The following ROBO2 variants were observed in gnomAD, a reference collection of about 807,000 sequenced individuals.
ROBO2 encodes roundabout homolog 2.
Under a neutral mutation model 160.8 loss-of-function variants are expected in ROBO2, and 53 were observed. The ratio of observed to expected loss-of-function variants is 0.33; its 90% CI spans 0.26 to 0.41. ROBO2 has a LOEUF of 0.41. Among genes scored for constraint, ROBO2 ranks in the 10% least tolerant of loss-of-function variants. ROBO2 has a pLI of 1.00. For missense variants in ROBO2, 1,577 were observed against 1,722.4 expected (o/e 0.92, Z 1.49); for synonymous variants, 664 against 611.7 (o/e 1.09, Z -1.26).
chr3:76,441,191 T>C (rs2109118068), intron 2 of ROBO2, among the ~76,000 whole-genome samples: 1 of 152,290 alleles, frequency 6.6e-6, no homozygotes, highest in Non-Finnish European at 1.5e-5. Flanking sequence ...TTGGCTGTTT[T>C]ATATAATATT....
At chr3:77,030,500 A>G (rs1276581057) in intron 2 of ROBO2, among the ~76,000 whole-genome samples, 2 of 152,182 alleles carry the variant, frequency 1.3e-5, no homozygotes, top group Admixed American at 6.5e-5. Context: ...AGCTATATTC[A>G]TTTCCTAGGA....
rs141518015 is a variant in ROBO2, at chr3:76,281,778, C to T, written c.109+344176C>T. On this transcript the variant is annotated intron_variant, in intron 2 of 26. Transcript: ENST00000487694. Reference sequence around the variant, plus strand: ...ATTTTAGAGAGTCACTTTATCTTAGCACCAAACATTGTTCACATACAATAA... The same window carrying T: ...ATTTTAGAGAGTCACTTTATCTTAGTACCAAACATTGTTCACATACAATAA... Among the ~76,000 whole-genome samples, 22 of 152,080 alleles carry T rather than the reference C, an allele frequency of 1.4e-4. No individual in the cohort carries two copies. In the East Asian group the frequency reaches 3.1e-3, roughly 21 times the overall value.
chr3:76,070,084 A>G (rs2068395572), intron 2 of ROBO2, among the ~76,000 whole-genome samples: 1 of 152,198 alleles, frequency 6.6e-6, no homozygotes, highest in Admixed American at 6.5e-5. Flanking sequence ...CATTAACTGC[A>G]CAAATTATAG....
intron 2 of ROBO2, among the ~76,000 whole-genome samples, chr3:76,560,081 T>C (rs1284559235): frequency 6.6e-6 from 1 of 152,042 alleles, no homozygotes; most frequent in East Asian, 1.9e-4. Flanking sequence ...ATTAATTTGC[T>C]TCTCTTTTAT....
chr3:76,192,524 C>CCACACACACACACACACA (rs3039244), intron 2 of ROBO2, among the ~76,000 whole-genome samples: 4 of 130,154 alleles, frequency 3.1e-5, no homozygotes, highest in Admixed American at 1.6e-4. Flanking sequence ...CAACACTCCA[C>CCACACACACACACACACA]CACACACACA....
chr3:76,477,177 C>T (rs866067334), intron 2 of ROBO2, among the ~76,000 whole-genome samples: 53 of 152,150 alleles, frequency 3.5e-4, no homozygotes, highest in African/African-American at 1.2e-3. Flanking sequence ...GTGAATTCTT[C>T]TGCTGCTGAT....
chr3:77,555,333 T>C (rs1192637100), intron 8 of ROBO2, among the ~76,000 whole-genome samples: 1 of 152,002 alleles, frequency 6.6e-6, no homozygotes, highest in Admixed American at 6.6e-5. Context: ...GAGATATGCC[T>C]GTATTCCGTT....
chr3:77,243,990 G>A (rs997021326), intron 2 of ROBO2, among the ~76,000 whole-genome samples: 2 of 152,054 alleles, frequency 1.3e-5, no homozygotes, highest in Non-Finnish European at 2.9e-5. Flanking sequence ...ACACATTGTG[G>A]GATTTCAAAA....
chr3:77,165,601 AT>A (rs2079003820), intron 2 of ROBO2, among the ~76,000 whole-genome samples: 1 of 152,188 alleles, frequency 6.6e-6, no homozygotes, highest in African/African-American at 2.4e-5. Flanking sequence ...ATTTGTTGAT[AT>A]ATTCATTAGT....
At chr3:76,285,311 A>T (rs1291761552) in intron 2 of ROBO2, among the ~76,000 whole-genome samples, 2 of 152,100 alleles carry the variant, frequency 1.3e-5, no homozygotes, top group African/African-American at 2.4e-5. Flanking sequence ...ACAACTAGTT[A>T]TAAGCTTAAG....
At chr3:76,331,064 C>G (rs1420939300) in intron 2 of ROBO2, among the ~76,000 whole-genome samples, 1 of 152,164 alleles carries the variant, frequency 6.6e-6, no homozygotes, top group African/African-American at 2.4e-5. Flanking sequence ...TGAAGCTTTT[C>G]TACCACTTCG....
intron 1 of ROBO2, among the ~76,000 whole-genome samples, chr3:77,092,992 T>C (rs1006321045): frequency 6.6e-6 from 1 of 152,086 alleles, no homozygotes; most frequent in Admixed American, 6.6e-5. Context: ...TTGGTAAATA[T>C]TTCAAGCTTC....
intron 2 of ROBO2, among the ~76,000 whole-genome samples, chr3:77,019,542 A>G (rs1399696199): frequency 6.6e-6 from 1 of 152,180 alleles, no homozygotes; most frequent in Non-Finnish European, 1.5e-5. Flanking sequence ...ATGACATAAG[A>G]AAATTCTTCA....
chr3:75,970,637 C>CAT (rs2064965908), intron 2 of ROBO2, among the ~76,000 whole-genome samples: 1 of 151,544 alleles, frequency 6.6e-6, no homozygotes, highest in Non-Finnish European at 1.5e-5. Context: ...CATTACAAGA[C>CAT]TATAATGTCT....
At chr3:76,336,687 G>C (rs1485276967) in intron 2 of ROBO2, among the ~76,000 whole-genome samples, 1 of 152,088 alleles carries the variant, frequency 6.6e-6, no homozygotes, top group Non-Finnish European at 1.5e-5. Context: ...CTGGTCTGTG[G>C]CATTGTTTAT....
chr3:75,964,448 A>C (rs1949033924), intron 2 of ROBO2, among the ~76,000 whole-genome samples: 1 of 151,546 alleles, frequency 6.6e-6, no homozygotes, highest in Non-Finnish European at 1.5e-5. Flanking sequence ...GATTTTTCTG[A>C]CTATGGTTCA....
Position 77,114,446 on chromosome 3 carries a change from T to C in ROBO2, c.388+16106T>C, listed in dbSNP as rs2073995334. Among the ~76,000 whole-genome samples the C allele has an allele frequency of 2.0e-5, 3 of 152,314 alleles. No individual in the cohort carries two copies. The South Asian group carries it at 6.2e-4, about 32-fold the overall frequency. On this transcript the variant is annotated intron_variant, in intron 2 of 25. Coordinates refer to ENST00000461745, the Ensembl canonical transcript of ROBO2. ...TATTTTATTTTATTTTTATAGCATTTCTTTATGTGTCTTATAGTTGGCAAG... is the reference window on the plus strand; with the variant it reads ...TATTTTATTTTATTTTTATAGCATTCCTTTATGTGTCTTATAGTTGGCAAG...
rs570596538 is a variant in ROBO2, at chr3:76,279,260, GA to G, written c.109+341659del. 3.3e-3 allele frequency among the ~76,000 whole-genome samples: 498 copies of G among 151,772 alleles called. 3 individuals are homozygous for G. Among genetic ancestry groups the G allele is most frequent in the African/African-American group, 0.012 (481 of 41,498 alleles). On this transcript the variant is annotated intron_variant, in intron 2 of 26. Coordinates refer to the ROBO2 transcript ENST00000487694. The stretch of plus-strand genomic sequence containing the variant: ...AATTAGATAGATAAACTTTAGGTAA[GA>G]TTTTTTTTAAAAAGAGCTTGTGTAG...
chr3:76,396,711 C>T (rs1466116646), intron 2 of ROBO2, among the ~76,000 whole-genome samples: 1 of 152,134 alleles, frequency 6.6e-6, no homozygotes, highest in African/African-American at 2.4e-5. Flanking sequence ...CAAGAGTGAA[C>T]TCCCATTCAC....
Sources: gnomAD v4.1 joint callset for allele counts (sites outside exome capture counted in the v4.1 genomes callset) on GRCh38, gnomAD v4.1.1 for gene constraint, MANE v1.5 for transcripts, NCBI Gene and HGNC (gene_info 2026-07-23, HGNC 2026-07-21) for gene names.